Variants in CSMD1 observed in about 807,000 individuals in gnomAD.
CSMD1 encodes the protein CUB and Sushi multiple domains 1, also known as CUB and sushi domain-containing protein 1.
Under a neutral mutation model 417.5 loss-of-function variants are expected in CSMD1, and 213 were observed. The ratio of observed to expected loss-of-function variants is 0.51; its 90% confidence interval spans 0.46 to 0.57. The LOEUF is 0.57. CSMD1 is among the 20% of genes least tolerant of loss of function. The probability of loss-of-function intolerance (pLI) is 0.00; values close to 1 mark genes in which losing one functional copy is unlikely to be tolerated. For missense variants in CSMD1, 6,923 were observed against 4,529.7 expected, an observed-to-expected ratio of 1.53 and a Z score of -15.17; for synonymous variants, 2,862 against 1,736.8, an observed-to-expected ratio of 1.65 and a Z score of -16.11.
intron 15 of CSMD1, among the ~76,000 whole-genome samples, chr8:3,402,797 T>C (rs1812119339): frequency 6.6e-6 from 1 of 152,174 alleles, no homozygotes; most frequent in South Asian, 2.1e-4. Flanking sequence ...TTTATAACAC[T>C]TGAATTTTAT....
intron 3 of CSMD1, among the ~76,000 whole-genome samples, chr8:4,354,733 G>C (rs1801297815): frequency 6.6e-6 from 1 of 152,218 alleles, no homozygotes; most frequent in South Asian, 2.1e-4. Context: ...TATAATGTAA[G>C]TGATGCAGGT....
In CSMD1 at chr8:3,411,507, T is replaced by C. The variant is rs554733293; in HGVS notation, c.1562-1902A>G. On this transcript the variant is annotated intron_variant, in intron 12 of 69. Coordinates refer to ENST00000635120, the MANE Select transcript of CSMD1 (RefSeq NM_033225.6). ...TCATTCTTATGCCTTTGCATCCTCA[T>C]AGCTTAGCTCCCACTTATGAGTGAG... is the stretch of plus-strand genomic sequence containing the variant. Among the ~76,000 whole-genome samples, 10 of 151,838 alleles carry C rather than the reference T, an allele frequency of 6.6e-5. No individual in the cohort carries two copies. The East Asian group carries it at 2.0e-3, about 30-fold the overall frequency.
intron 12 of CSMD1, among the ~76,000 whole-genome samples, chr8:3,425,888 G>C (rs541653551): frequency 1.4e-4 from 21 of 152,232 alleles, no homozygotes; most frequent in African/African-American, 5.1e-4. Flanking sequence ...AAAGATTTTA[G>C]TGTCTACCAT....
At chr8:3,295,149 G>C (rs1022023950) in intron 25 of CSMD1, among the ~76,000 whole-genome samples, 3 of 151,546 alleles carry the variant, frequency 2.0e-5, no homozygotes, top group East Asian at 3.9e-4. Context: ...ATTTGAGATG[G>C]AGTCTTGCTT....
rs117441863 is a variant in CSMD1 at position 3,769,136 on chromosome 8, T to C, written c.819-15094A>G. On this transcript the variant is annotated intron_variant, in intron 5 of 69. Coordinates refer to ENST00000635120, the MANE Select transcript of CSMD1 (RefSeq NM_033225.6). ...CCTTATTAGTTACTATACAGTTAAA[T>C]TGATTAAAAGATGAAAACTTACAAT... Among the ~76,000 whole-genome samples, 121 of 152,312 alleles carry C rather than the reference T, an allele frequency of 7.9e-4. No individual in the cohort carries two copies. In the East Asian group the frequency reaches 0.011, roughly 14 times the overall value.
intron 3 of CSMD1, among the ~76,000 whole-genome samples, chr8:4,288,582 C>G (rs17069844): frequency 0.2 from 30,079 of 152,152 alleles, 3,502 homozygotes; most frequent in East Asian, 0.53. Context: ...AAGTTCAGCT[C>G]TACGCATGCA....
At chr8:3,763,939 C>T (rs1798137427) in intron 5 of CSMD1, among the ~76,000 whole-genome samples, 1 of 152,128 alleles carries the variant, frequency 6.6e-6, no homozygotes, top group African/African-American at 2.4e-5. Flanking sequence ...TCAAAAGATC[C>T]CATAACTCAC....
intron 1 of CSMD1, among the ~76,000 whole-genome samples, chr8:4,729,597 A>G (rs1174574743): frequency 6.6e-6 from 1 of 152,192 alleles, no homozygotes; most frequent in Non-Finnish European, 1.5e-5. Flanking sequence ...ATAAAAAAAC[A>G]AAAGACGTTA....
At chr8:3,230,004 C>G in intron 27 of CSMD1, 36 bp downstream of exon 27, 4 of 1,426,654 alleles carry the variant, frequency 2.8e-6, no homozygotes, top group Non-Finnish European at 3.7e-6. Context: ...GCATCCATTC[C>G]TGAATATAAA....
chr8:4,283,450 T>G (rs1339342455), intron 3 of CSMD1, among the ~76,000 whole-genome samples: 2 of 152,188 alleles, frequency 1.3e-5, no homozygotes, highest in African/African-American at 4.8e-5. Context: ...CAAATGCAAA[T>G]TATCTCTTGC....
chr8:3,513,983 A>G (rs1453216250), intron 10 of CSMD1, among the ~76,000 whole-genome samples: 1 of 152,188 alleles, frequency 6.6e-6, no homozygotes, highest in African/African-American at 2.4e-5. Flanking sequence ...AAGGTAGCAG[A>G]TTCCAATCCA....
intron 3 of CSMD1, among the ~76,000 whole-genome samples, chr8:4,402,136 G>A (rs1366589057): frequency 6.6e-6 from 1 of 151,994 alleles, no homozygotes; most frequent in African/African-American, 2.4e-5. Context: ...TCATTAATTA[G>A]TCATATGGTC....
chr8:4,776,304 T>G (rs189702446), intron 1 of CSMD1, among the ~76,000 whole-genome samples: 17 of 152,320 alleles, frequency 1.1e-4, no homozygotes, highest in Admixed American at 6.5e-4. Context: ...ATAATATTAC[T>G]TGTTGCTAGT....
At chr8:4,909,375 A>G (rs1440514928) in intron 1 of CSMD1, among the ~76,000 whole-genome samples, 2 of 152,058 alleles carry the variant, frequency 1.3e-5, no homozygotes. Context: ...ATCCCATTTT[A>G]TTTCCTTGAA....
chr8:4,298,653 C>G (rs1563411494), intron 3 of CSMD1, among the ~76,000 whole-genome samples: 2 of 152,066 alleles, frequency 1.3e-5, no homozygotes, highest in East Asian at 1.9e-4. Context: ...AGTTTTAATA[C>G]AGTTCTAAGA....
intron 1 of CSMD1, among the ~76,000 whole-genome samples, chr8:4,688,191 C>G (rs183683394): frequency 6.6e-6 from 1 of 152,068 alleles, no homozygotes; most frequent in Non-Finnish European, 1.5e-5. Context: ...GTACGAGAGT[C>G]AAGATTCTTT....
intron 2 of CSMD1, among the ~76,000 whole-genome samples, chr8:4,613,639 T>C (rs1801309575): frequency 6.6e-6 from 1 of 152,186 alleles, no homozygotes; most frequent in South Asian, 2.1e-4. Context: ...GAGGTTTGCC[T>C]GACAACCCTT....
chr8:4,748,426 C>T (rs1811092872), intron 1 of CSMD1, among the ~76,000 whole-genome samples: 1 of 152,158 alleles, frequency 6.6e-6, no homozygotes, highest in East Asian at 1.9e-4. Flanking sequence ...TTATTTGCTG[C>T]TGCAGTATCA....
At chr8:4,935,718 G>A (rs1400814622) in intron 1 of CSMD1, among the ~76,000 whole-genome samples, 1 of 152,174 alleles carries the variant, frequency 6.6e-6, no homozygotes, top group Non-Finnish European at 1.5e-5. Flanking sequence ...GGAATGGCGT[G>A]CAGGCATTTT....
Sources: gnomAD v4.1 joint callset for allele counts (sites outside exome capture counted in the v4.1 genomes callset) on GRCh38, gnomAD v4.1.1 for gene constraint, MANE v1.5 for transcripts, NCBI Gene and HGNC (gene_info 2026-07-23, HGNC 2026-07-21) for gene names.